RNF125: variants seen among roughly 807,000 people sequenced by gnomAD.
The protein encoded by RNF125 is E3 ubiquitin-protein ligase RNF125.
RNF125 carries 21 observed loss-of-function variants against 26.0 expected under a neutral mutation model. The observed-to-expected ratio is 0.81, with a 90% CI of 0.57 to 1.16. RNF125 has a LOEUF of 1.16. RNF125 is among the 50% of genes most tolerant of loss of function. RNF125 has a pLI of 0.00. For synonymous variants in RNF125, 95 were observed against 109.2 expected (o/e 0.87, Z 0.81); for missense variants, 270 against 299.4 (o/e 0.90, Z 0.72).
downstream of RNF125, among the ~76,000 whole-genome samples, chr18:32,077,385 G>A (rs573540130): frequency 3.0e-5 from 4 of 132,740 alleles, no homozygotes; most frequent in East Asian, 2.4e-4. Context: ...CACTTAAGAC[G>A]GAGTCTTGCT....
rs1399088723 is a variant in RNF125 at position 32,037,283 on chromosome 18, C to A, written c.318+14C>A. The A allele has an allele frequency of 7.9e-6, 12 of 1,521,832 alleles. No homozygotes were observed. Among genetic ancestry groups the A allele is most frequent in the Non-Finnish European group, 9.7e-6 (11 of 1,138,126 alleles). 94.3% of individuals were successfully genotyped at this position (1,521,832 alleles called of 1,614,324 possible). A position where few individuals can be genotyped will look rare whatever the true frequency, so the allele number is the denominator to read the frequency against. ...TGTGACACCCTGGTATGTATGTGAC[C>A]CCACCTATTTTCATGGTTACCAGCT... On this transcript the variant is annotated intron_variant, in intron 2 of 5. Transcript: ENST00000217740.
At chr18:32,024,362 T>C (rs114292266) in intron 1 of RNF125, among the ~76,000 whole-genome samples, 1,775 of 151,628 alleles carry the variant, frequency 0.012, 28 homozygotes, top group African/African-American at 0.039. Context: ...CCCGGCCTCA[T>C]GCCATTCTTA....
chr18:32,076,607 G>A (rs528543819), downstream of RNF125, among the ~76,000 whole-genome samples: 3 of 152,126 alleles, frequency 2.0e-5, no homozygotes, highest in South Asian at 4.2e-4. Flanking sequence ...CAACACGCCC[G>A]GCCTCCATTA....
At chr18:32,025,495 T>C (rs2144433610) in intron 1 of RNF125, among the ~76,000 whole-genome samples, 1 of 151,726 alleles carries the variant, frequency 6.6e-6, no homozygotes, top group South Asian at 2.1e-4. Context: ...GAAACCCCGT[T>C]TCTCTAAAAA....
chr18:32,048,386 A>G (rs1016058401), intron 4 of RNF125, among the ~76,000 whole-genome samples: 1 of 151,904 alleles, frequency 6.6e-6, no homozygotes, highest in Non-Finnish European at 1.5e-5. Context: ...AGATCACGCC[A>G]TTGCACTCCA....
rs1242648581 is a variant in RNF125 at position 32,041,645 on chromosome 18, T to TTTTTTTG, written c.319-531_319-530insTTTGTTT. 1.2e-3 allele frequency among the ~76,000 whole-genome samples: 114 copies of TTTTTTTG among 95,444 alleles called. 2 individuals are homozygous for TTTTTTTG. The highest frequency in any genetic ancestry group is 5.7e-3 in the African/African-American group (108 of 18,986). 62.6% of individuals were successfully genotyped at this position (95,444 alleles called of 152,430 possible). ...CTTTTTTTTTTTTTTTTTTTTTTTTTTTTGAGACGGAGTCTCGCTCTGTCG... is the reference window on the plus strand; with the variant it reads ...CTTTTTTTTTTTTTTTTTTTTTTTTTTTTTTTGTTTGAGACGGAGTCTCGCTCTGTCG... On this transcript the variant is annotated intron_variant, in intron 2 of 5. Coordinates refer to ENST00000217740, the MANE Select transcript of RNF125 (RefSeq NM_017831.4).
intron 1 of RNF125, among the ~76,000 whole-genome samples, chr18:32,032,380 A>ATT (rs774835666): frequency 1.9e-4 from 27 of 140,088 alleles, no homozygotes; most frequent in African/African-American, 6.7e-4. Context: ...GCCTGGCTGT[A>ATT]TTTTTTTTTT....
chr18:32,075,785 C>A, downstream of RNF125: 3 of 516,282 alleles, frequency 5.8e-6, no homozygotes, highest in Non-Finnish European at 1.1e-5. Context: ...CACCTTTTCA[C>A]TGCTTAAAAT....
At chr18:32,050,865 CTTTTTTTTTTTTTTTTTTTTT>C (rs531751585) in intron 4 of RNF125, among the ~76,000 whole-genome samples, 8 of 46,342 alleles carry the variant, frequency 1.7e-4, no homozygotes, top group South Asian at 1.1e-3. Flanking sequence ...GTCTAGAGTG[CTTTTTTTTTTTTTTTTTTTTT>C]TTTTTTTTTT....
chr18:32,070,188 A>G lies in RNF125; in HGVS notation c.*1804A>G, dbSNP rs1325101875. ...CCCAAGTAGCTGGGACTACAGGTGC[A>G]CGCCACCATGCCCGGCTAATTTTTG... is the stretch of plus-strand genomic sequence containing the variant. On this transcript the variant is annotated 3_prime_UTR_variant, in exon 6 of 6. Coordinates refer to ENST00000217740, the MANE Select transcript of RNF125 (RefSeq NM_017831.4). 1 of 152,220 alleles carries G rather than the reference A, an allele frequency of 6.6e-6. No homozygotes were observed. The highest frequency in any genetic ancestry group is 6.6e-5 in the Admixed American group (1 of 15,246). The allele number at this position is 152,220 out of a possible 1,614,324, so 9.4% of individuals were successfully genotyped here. A position where few individuals can be genotyped will look rare whatever the true frequency, so the allele number is the denominator to read the frequency against.
At chr18:32,060,952 G>C (rs768318180) in intron 4 of RNF125, among the ~76,000 whole-genome samples, 3 of 152,190 alleles carry the variant, frequency 2.0e-5, no homozygotes, top group Non-Finnish European at 4.4e-5. Context: ...TGGAATCTGA[G>C]AGTTCAAGGC....
At chr18:32,045,967 T>G (rs998399858) in intron 4 of RNF125, among the ~76,000 whole-genome samples, 1 of 152,124 alleles carries the variant, frequency 6.6e-6, no homozygotes, top group Non-Finnish European at 1.5e-5. Context: ...CAGGTAATCA[T>G]GGGCATAATC....
At chr18:32,059,845 C>T (rs1192666899) in intron 4 of RNF125, among the ~76,000 whole-genome samples, 1 of 151,940 alleles carries the variant, frequency 6.6e-6, no homozygotes, top group Non-Finnish European at 1.5e-5. Flanking sequence ...AATCTATATC[C>T]TAAGGATTTA....
At chr18:32,037,834 T>G (rs2039174585) in intron 2 of RNF125, among the ~76,000 whole-genome samples, 2 of 152,056 alleles carry the variant, frequency 1.3e-5, no homozygotes, top group Non-Finnish European at 2.9e-5. Context: ...ATCAGCAGGA[T>G]TCTGAAAGTA....
chr18:32,059,906 AAAG>A (rs2039419418), intron 4 of RNF125, among the ~76,000 whole-genome samples: 1 of 152,210 alleles, frequency 6.6e-6, no homozygotes, highest in Non-Finnish European at 1.5e-5. Context: ...TCAAAAATGG[AAAG>A]AAACATCTGT....
intron 4 of RNF125, among the ~76,000 whole-genome samples, chr18:32,052,049 TG>T (rs1568203489): frequency 6.6e-6 from 1 of 152,184 alleles, no homozygotes; most frequent in African/African-American, 2.4e-5. Flanking sequence ...ACAGGACTTT[TG>T]GTTTGAAGTG....
intron 1 of RNF125, among the ~76,000 whole-genome samples, chr18:32,025,047 G>A (rs538019164): frequency 5.3e-5 from 8 of 151,960 alleles, no homozygotes; most frequent in Admixed American, 1.3e-4. Context: ...CTGGGTGACA[G>A]ATTGAGAGTC....
the RNF125 span, among the ~76,000 whole-genome samples, chr18:32,085,368 A>T: frequency 8.1e-6 from 1 of 123,080 alleles, no homozygotes; most frequent in Middle Eastern, 3.6e-3. Context: ...AACCACTGCC[A>T]GAAGCAGAGA....
chr18:32,066,881 T>C (rs939223043), intron 5 of RNF125, among the ~76,000 whole-genome samples: 8 of 152,208 alleles, frequency 5.3e-5, no homozygotes, highest in African/African-American at 1.9e-4. Flanking sequence ...TCTCTAAGCA[T>C]GTCTTTTGTG....
Sources: gnomAD v4.1 joint callset for allele counts (sites outside exome capture counted in the v4.1 genomes callset) on GRCh38, gnomAD v4.1.1 for gene constraint, MANE v1.5 for transcripts, NCBI Gene and HGNC (gene_info 2026-07-23, HGNC 2026-07-21) for gene names.